The following ARPP21 variants were observed in gnomAD, a reference collection of about 807,000 sequenced individuals.
ARPP21 encodes the protein cAMP-regulated phosphoprotein 21.
A neutral mutation model predicts 113.2 loss-of-function variants in ARPP21; 69 were observed. The ratio of observed to expected loss-of-function variants is 0.61; its 90% CI spans 0.50 to 0.74. The LOEUF (loss-of-function observed/expected upper bound fraction) is 0.74, where lower values mean the gene tolerates loss of function less well. Ranked by LOEUF, ARPP21 falls within the 30% of genes least tolerant of loss-of-function variation. The pLI is 0.00. For synonymous variants in ARPP21, 368 were observed against 375.5 expected (o/e 0.98, Z 0.23); for missense variants, 1,070 against 1,037.4 (o/e 1.03, Z -0.43).
Position 35,639,619 on chromosome 3 carries a change from G to A in ARPP21, c.-992G>A, listed in dbSNP as rs1697489934. 1 of 152,956 alleles carries A rather than the reference G, an allele frequency of 6.5e-6. No individual in the cohort carries two copies. Among genetic ancestry groups the A allele is most frequent in the African/African-American group, 2.4e-5 (1 of 41,452 alleles). The allele number at this position is 152,956 out of a possible 1,614,324, so 9.5% of individuals were successfully genotyped here. On this transcript the variant is annotated 5_prime_UTR_variant, in exon 1 of 21. Transcript: ENST00000684406. The surrounding 1 kb of genome is among the most constrained non-coding windows in gnomAD (Gnocchi z 5.0). ...GGACTGGCAGAGCTACGGACAGGTG[G>A]GAGCAGTCAGACAGCCTGAGAGAGG...
intron 19 of ARPP21, among the ~76,000 whole-genome samples, chr3:35,771,009 C>G (rs2096180603): frequency 6.6e-6 from 1 of 152,180 alleles, no homozygotes; most frequent in South Asian, 2.1e-4. Flanking sequence ...TCATCCAGTA[C>G]TCTCATTTTT....
At chr3:35,766,817 C>A (rs147405063) in intron 19 of ARPP21, among the ~76,000 whole-genome samples, 2 of 150,932 alleles carry the variant, frequency 1.3e-5, no homozygotes, top group African/African-American at 4.9e-5. Flanking sequence ...AATTAAGAAG[C>A]TCATATTATA....
chr3:35,739,396 G>A lies in ARPP21; in HGVS notation c.1829G>A (p.Gly610Asp). ...SSGETPEPPSGPVYPSSLMPQ... is the reference protein window; with the variant it reads ...SSGETPEPPSDPVYPSSLMPQ... ...GGGGAGACTCCTGAACCCCCATCAG[G>A]TCCTGTCTACCCATCCTCCCTTATG... is the stretch of plus-strand genomic sequence containing the variant. The change falls in exon 18 of 21, where the codon GGT becomes GAT. Residue 610 changes from glycine to aspartate, a missense_variant. Gly to Asp is a moderately conservative substitution (Grantham distance 94). Transcript: ENST00000684406. 1.2e-6 allele frequency: 2 copies of A among 1,614,116 alleles called. No homozygotes were observed. Among genetic ancestry groups the A allele is most frequent in the Non-Finnish European group, 1.7e-6 (2 of 1,180,018 alleles).
intron 6 of ARPP21, among the ~76,000 whole-genome samples, chr3:35,688,870 C>G (rs1342724820): frequency 7.2e-6 from 1 of 139,612 alleles, no homozygotes; most frequent in African/African-American, 2.7e-5. Flanking sequence ...AGTCTCATAA[C>G]AGAACATTCA....
chr3:35,768,079 CGTGTGTGTGTGTGTGTGT>C (rs5847897), intron 19 of ARPP21, among the ~76,000 whole-genome samples: 5,674 of 111,802 alleles, frequency 0.051, 155 homozygotes, highest in South Asian at 0.14. Context: ...CATGCTTTTC[CGTGTGTGTGTGTGTGTGT>C]GTGTGTGTGT....
At chr3:35,675,013 A>G (rs2077135223) in intron 1 of ARPP21, among the ~76,000 whole-genome samples, 1 of 151,674 alleles carries the variant, frequency 6.6e-6, no homozygotes, top group African/African-American at 2.4e-5. Context: ...CACCCAGTCA[A>G]AACGATTATG....
chr3:35,682,651 A>C (rs778323253), intron 3 of ARPP21, among the ~76,000 whole-genome samples, 197 bp from the exon 4 acceptor site: 35 of 151,918 alleles, frequency 2.3e-4, no homozygotes, highest in Non-Finnish European at 1.9e-4. Context: ...AAAGTTAGTC[A>C]AAAGTTTTTT....
chr3:35,652,810 T>A (rs1268249634), intron 1 of ARPP21, among the ~76,000 whole-genome samples: 1 of 152,038 alleles, frequency 6.6e-6, no homozygotes, highest in African/African-American at 2.4e-5. Context: ...GTGGAGGAAA[T>A]CTGTACTTAT....
At chr3:35,780,162 T>C (rs2096488416) in intron 19 of ARPP21, among the ~76,000 whole-genome samples, 2 of 152,194 alleles carry the variant, frequency 1.3e-5, no homozygotes, top group Admixed American at 1.3e-4. Flanking sequence ...CTATGTGCCA[T>C]TGCAAGATAC....
chr3:35,708,265 G>A (rs1459859479), intron 10 of ARPP21, among the ~76,000 whole-genome samples: 1 of 152,140 alleles, frequency 6.6e-6, no homozygotes, highest in Non-Finnish European at 1.5e-5. Flanking sequence ...TTAAGATGCA[G>A]GAAGTAGTCA....
At chr3:35,761,657 G>A (rs1019973538) in intron 19 of ARPP21, among the ~76,000 whole-genome samples, 8 of 151,804 alleles carry the variant, frequency 5.3e-5, no homozygotes, top group Admixed American at 3.9e-4. Flanking sequence ...TTAAGCTCCA[G>A]TGAGATTCTT....
At position 35,793,805 on chromosome 3, in the gene ARPP21, G is replaced by T; in HGVS notation, c.2391G>T (p.Met797Ile). Residue 797 changes from methionine (M) to isoleucine (I), a missense_variant, in exon 21 of 21, where the codon ATG becomes ATT. Coordinates refer to ENST00000684406, the MANE Select transcript of ARPP21 (RefSeq NM_001385562.1). ...AGQGSLPATG[M>I]PVYCNVTPPT... ...AAGGGTCACTCCCAGCCACTGGAATGCCTGTTTACTGTAATGTCACACCGC... is the reference window on the plus strand; with the variant it reads ...AAGGGTCACTCCCAGCCACTGGAATTCCTGTTTACTGTAATGTCACACCGC... 1 of 1,614,134 alleles carries T rather than the reference G, an allele frequency of 6.2e-7. No individual in the cohort carries two copies. The highest frequency in any genetic ancestry group is 8.5e-7 in the Non-Finnish European group (1 of 1,180,008).
chr3:35,710,419 A>G (rs1477228354), intron 11 of ARPP21, among the ~76,000 whole-genome samples: 3 of 152,228 alleles, frequency 2.0e-5, no homozygotes, highest in Non-Finnish European at 4.4e-5. Context: ...GGATGCCTAC[A>G]GTGGCCTGGA....
intron 1 of ARPP21, among the ~76,000 whole-genome samples, chr3:35,666,520 A>C (rs1450140930): frequency 6.6e-6 from 1 of 152,106 alleles, no homozygotes; most frequent in African/African-American, 2.4e-5. Context: ...CTAGTTTTAA[A>C]ATTTTTGTTA....
chr3:35,778,238 G>A (rs1426218868), intron 19 of ARPP21, among the ~76,000 whole-genome samples: 1 of 152,154 alleles, frequency 6.6e-6, no homozygotes, highest in East Asian at 1.9e-4. Flanking sequence ...GGGAGTGCTG[G>A]TTATTCTCTG....
chr3:35,696,945 T>C (rs1270655520), intron 9 of ARPP21, among the ~76,000 whole-genome samples: 3 of 151,616 alleles, frequency 2.0e-5, no homozygotes, highest in Non-Finnish European at 4.4e-5. Flanking sequence ...TCCTGTTAGA[T>C]ATATTTTTAA....
At chr3:35,719,206 G>A (rs529412404) in intron 13 of ARPP21, among the ~76,000 whole-genome samples, 152 of 151,928 alleles carry the variant, frequency 1.0e-3, no homozygotes, top group African/African-American at 3.3e-3. Flanking sequence ...ATACTGGACC[G>A]CACTTCAACA....
chr3:35,667,975 G>T (rs1399866996), intron 1 of ARPP21, among the ~76,000 whole-genome samples: 2 of 135,938 alleles, frequency 1.5e-5, no homozygotes, highest in Admixed American at 1.5e-4. Context: ...AGAAGAAGAA[G>T]AAGAAGAAGA....
At chr3:35,696,148 T>C (rs2083932379) in intron 9 of ARPP21, among the ~76,000 whole-genome samples, 1 of 151,590 alleles carries the variant, frequency 6.6e-6, no homozygotes, top group Non-Finnish European at 1.5e-5. Flanking sequence ...TTAGAAAGGT[T>C]AGTCTGGTAT....
Sources: gnomAD v4.1 joint callset for allele counts (sites outside exome capture counted in the v4.1 genomes callset) on GRCh38, gnomAD v4.1.1 for gene constraint, Gnocchi (gnomAD v3.1) non-coding constraint, MANE v1.5 for transcripts, NCBI Gene and HGNC (gene_info 2026-07-23, HGNC 2026-07-21) for gene names.